C21orf58: variants seen among roughly 807,000 people sequenced by gnomAD.
C21orf58 encodes the protein uncharacterized protein C21orf58.
In C21orf58, 34 loss-of-function variants were observed where a neutral mutation model predicts 35.8. That is an observed-to-expected ratio of 0.95 (90% CI 0.72 to 1.26). The LOEUF is 1.26. Ranked by LOEUF, C21orf58 falls within the 50% of genes most tolerant of loss-of-function variation. C21orf58 has a pLI of 0.00. For synonymous variants in C21orf58, 191 were observed against 175.8 expected (o/e 1.09, Z -0.68); for missense variants, 440 against 414.3 (o/e 1.06, Z -0.54).
At chr21:46,322,548 C>T (rs1259736685) in intron 1 of C21orf58, 91 bp downstream of exon 1, 1 of 1,328,900 alleles carries the variant, frequency 7.5e-7, no homozygotes, top group Non-Finnish European at 9.7e-7. Flanking sequence ...GCCTGCCTGG[C>T]CCCTGCTCTA....
At chr21:46,317,308 C>G (rs376201517) in intron 2 of C21orf58, 40 bp from the exon 3 acceptor site, 27 of 1,600,506 alleles carry the variant, frequency 1.7e-5, no homozygotes, top group African/African-American at 4.0e-5. Flanking sequence ...GGTGGCTCCA[C>G]GCAAAGGCCC....
At chr21:46,317,075 C>T in intron 3 of C21orf58, 133 bp downstream of exon 3, 1 of 708,128 alleles carries the variant, frequency 1.4e-6, no homozygotes, top group East Asian at 2.7e-5. Flanking sequence ...GCGTTGAGGA[C>T]AATCTCGCCG....
intron 3 of C21orf58, 112 bp from the exon 4 acceptor site, chr21:46,315,659 C>G: frequency 1.4e-6 from 1 of 730,016 alleles, no homozygotes; most frequent in Non-Finnish European, 2.5e-6. Flanking sequence ...CACCCACACT[C>G]CCAGGATGGG....
At chr21:46,320,075 T>C (rs2146122626) in intron 1 of C21orf58, among the ~76,000 whole-genome samples, 1 of 152,098 alleles carries the variant, frequency 6.6e-6, no homozygotes, top group South Asian at 2.1e-4. Flanking sequence ...TTGATATAAG[T>C]GACCTCATCT....
In C21orf58 at chr21:46,301,703, C is replaced by T. The variant is rs546150709; in HGVS notation, c.*296G>A. On this transcript the variant is annotated 3_prime_UTR_variant, in exon 8 of 8. Coordinates refer to ENST00000291691, the MANE Select transcript of C21orf58 (RefSeq NM_058180.5). ...GGGGGATCTGAGGCTCCCAGGTGGG[C>T]CGGCGCCGCCCTACAGGAAAGGAGG... 6.2e-5 allele frequency: 72 copies of T among 1,168,338 alleles called. No homozygotes were observed. The East Asian group carries it at 2.8e-3, about 45-fold the overall frequency. 72.4% of individuals were successfully genotyped at this position (1,168,338 alleles called of 1,614,324 possible). A position where few individuals can be genotyped will look rare whatever the true frequency, so the allele number is the denominator to read the frequency against.
chr21:46,317,137 A>C, intron 3 of C21orf58, 71 bp downstream of exon 3: 1 of 1,378,998 alleles, frequency 7.3e-7, no homozygotes, highest in Non-Finnish European at 1.0e-6. Flanking sequence ...CTCCCCCTGG[A>C]GGTGGCTCCC....
In C21orf58 at chr21:46,318,724, G is replaced by A. The variant is rs892507636; in HGVS notation, c.101-504C>T. The A allele has an allele frequency of 6.0e-6, 6 of 1,007,162 alleles. No individual in the cohort carries two copies. In the African/African-American group the frequency reaches 6.9e-5, roughly 12 times the overall value. The allele number at this position is 1,007,162 out of a possible 1,614,324, so 62.4% of individuals were successfully genotyped here. ...AGGGGTAGGACAGAGGAGGGGTTGT[G>A]ACCTGCAGAGGGGCTGGGCTTTAGC... On this transcript the variant is annotated intron_variant, in intron 1 of 7. Transcript: ENST00000291691.
chr21:46,308,385 C>T (rs1239193347), intron 6 of C21orf58, among the ~76,000 whole-genome samples: 1 of 151,782 alleles, frequency 6.6e-6, no homozygotes, highest in South Asian at 2.1e-4. Flanking sequence ...TGTTTGAACC[C>T]GGGAGGCAGA....
intron 5 of C21orf58, among the ~76,000 whole-genome samples, chr21:46,311,969 A>AT (rs2082735180): frequency 6.1e-5 from 2 of 32,682 alleles, no homozygotes; most frequent in Non-Finnish European, 1.1e-4. Context: ...CCACCCACCC[A>AT]CCCACCCATC....
intron 4 of C21orf58, 23 bp downstream of exon 4, chr21:46,315,451 C>T (rs548693910): frequency 1.3e-5 from 19 of 1,475,020 alleles, no homozygotes; most frequent in Middle Eastern, 1.7e-4. Flanking sequence ...CAGCCAGGTT[C>T]GCTCAGAGGG....
In C21orf58 at chr21:46,302,909, G is replaced by C. The variant is rs1005374607; in HGVS notation, c.722-333C>G. Among the ~76,000 whole-genome samples the C allele has an allele frequency of 8.0e-4, 91 of 113,894 alleles. 1 individual carries two copies. The East Asian group carries it at 0.024, about 31-fold the overall frequency. The allele number at this position is 113,894 out of a possible 152,430, so 74.7% of individuals were successfully genotyped here. On this transcript the variant is annotated intron_variant, in intron 6 of 7. Coordinates refer to ENST00000291691, the MANE Select transcript of C21orf58 (RefSeq NM_058180.5). ...GGTGCGGGTCCCCGGGGCGCGCCCT[G>C]AGCCCGTCTGCACACGGTGCGGGTC...
At chr21:46,316,086 G>A (rs1242949842) in intron 3 of C21orf58, among the ~76,000 whole-genome samples, 1 of 152,026 alleles carries the variant, frequency 6.6e-6, no homozygotes, top group African/African-American at 2.4e-5. Flanking sequence ...GAGGTCGGGG[G>A]TGCAGTGAAT....
At chr21:46,303,735 ATATATATATATTTTTTT>A (rs1365661265) in intron 6 of C21orf58, among the ~76,000 whole-genome samples, 21 of 28,124 alleles carry the variant, frequency 7.5e-4, no homozygotes, top group African/African-American at 2.2e-3. Flanking sequence ...ATATATATAT[ATATATATATATTTTTTT>A]TTTTTTTTTT....
At chr21:46,308,858 G>A (rs577169397) in intron 6 of C21orf58, among the ~76,000 whole-genome samples, 35 of 152,236 alleles carry the variant, frequency 2.3e-4, no homozygotes, top group Non-Finnish European at 5.9e-5. Context: ...ATAATAAGAG[G>A]AAGAGTGACC....
Position 46,318,192 on chromosome 21 carries a change from A to C in C21orf58, c.129T>G (p.Pro43=). 1.2e-6 allele frequency: 2 copies of C among 1,612,772 alleles called. No homozygotes were observed. The highest frequency in any genetic ancestry group is 1.7e-6 in the Non-Finnish European group (2 of 1,180,000). Residue 43 remains proline, a synonymous_variant, in exon 2 of 8, where the codon CCT becomes CCG. Coordinates refer to ENST00000291691, the MANE Select transcript of C21orf58 (RefSeq NM_058180.5). The part of the protein sequence containing the change: ...CGWSPGGKAR[P]AGNTGAWAPA... ...GAGCCCAAGCACCGGTGTTGCCTGCAGGGCGGGCCTTACCTCCTGGAGACC... is the reference window on the plus strand; with the variant it reads ...GAGCCCAAGCACCGGTGTTGCCTGCCGGGCGGGCCTTACCTCCTGGAGACC...
rs2083257067 is a variant in C21orf58, at chr21:46,323,780, G to A, written c.-1042C>T. The A allele has an allele frequency of 3.4e-6, 1 of 293,160 alleles. No individual in the cohort carries two copies. The highest frequency in any genetic ancestry group is 3.0e-5 in the South Asian group (1 of 33,152). The allele number at this position is 293,160 out of a possible 1,614,324, so 18.2% of individuals were successfully genotyped here. ...GGGTGGTTGCTGAGCACCGTTCGGC[G>A]CCGCCCGCGCCTGCAGGGAGCCCGG... On this transcript the variant is annotated 5_prime_UTR_variant, in exon 1 of 8. Transcript: ENST00000291691.
chr21:46,304,158 C>G (rs112078970), intron 6 of C21orf58, among the ~76,000 whole-genome samples: 7,394 of 148,900 alleles, frequency 0.05, 226 homozygotes, highest in Middle Eastern at 0.1. Context: ...TCCTGAGTAG[C>G]TGGGACTACA....
intron 7 of C21orf58, 61 bp downstream of exon 7, chr21:46,302,424 G>C: frequency 7.3e-7 from 1 of 1,369,170 alleles, no homozygotes. Context: ...GAAATTTCCA[G>C]AAGAAAAACC....
At chr21:46,310,409 G>A (rs967606435) in intron 6 of C21orf58, among the ~76,000 whole-genome samples, 1 of 151,870 alleles carries the variant, frequency 6.6e-6, no homozygotes, top group Non-Finnish European at 1.5e-5. Flanking sequence ...AACCCAGGAG[G>A]TGGAGGTTGC....
Sources: gnomAD v4.1 joint callset for allele counts (sites outside exome capture counted in the v4.1 genomes callset) on GRCh38, gnomAD v4.1.1 for gene constraint, MANE v1.5 for transcripts, NCBI Gene and HGNC (gene_info 2026-07-23, HGNC 2026-07-21) for gene names.